The following AP1AR variants were observed in gnomAD, a reference collection of about 807,000 sequenced individuals.
AP1AR encodes the protein adaptor related protein complex 1 associated regulatory protein.
In AP1AR, 29 loss-of-function variants were observed where a neutral mutation model predicts 46.3. That is an observed-to-expected ratio of 0.63 (90% CI 0.47 to 0.85). The LOEUF (loss-of-function observed/expected upper bound fraction) is 0.85. AP1AR is among the 40% of genes least tolerant of loss of function. The pLI, the probability that AP1AR is intolerant of heterozygous loss-of-function variation, is 0.00. For synonymous variants in AP1AR, 122 were observed against 122.9 expected (o/e 0.99, Z 0.05); for missense variants, 357 against 356.3 (o/e 1.00, Z -0.02).
At chr4:112,251,729 G>C (rs938358654) in intron 1 of AP1AR, among the ~76,000 whole-genome samples, 3 of 152,178 alleles carry the variant, frequency 2.0e-5, no homozygotes, top group African/African-American at 7.2e-5. Flanking sequence ...AAAGGAGAGA[G>C]AAGAGTGGAG....
chr4:112,243,639 G>A (rs1159365623), intron 1 of AP1AR, among the ~76,000 whole-genome samples: 1 of 152,152 alleles, frequency 6.6e-6, no homozygotes, highest in Non-Finnish European at 1.5e-5. Flanking sequence ...TTCCTGTGCA[G>A]TATTGTATTA....
At position 112,271,924 on chromosome 4, in the gene AP1AR, G is replaced by T. The variant is rs116145606; in HGVS notation, c.*3515G>T. Among the ~76,000 whole-genome samples the T allele has an allele frequency of 2.4e-3, 359 of 152,290 alleles. 2 individuals carry two copies. Among genetic ancestry groups the T allele is most frequent in the African/African-American group, 8.3e-3 (344 of 41,550 alleles). On this transcript the variant is annotated 3_prime_UTR_variant, in exon 10 of 10. Coordinates refer to ENST00000274000, the MANE Select transcript of AP1AR (RefSeq NM_018569.6). The stretch of plus-strand genomic sequence containing the variant: ...TAAGTGTTGACATTTAGAAGTTGGG[G>T]GTAGTGAAACAGTCGTCAAAAGAAA...
chr4:112,265,356 T>A (rs1726656145), intron 7 of AP1AR: 3 of 363,424 alleles, frequency 8.3e-6, no homozygotes, highest in Non-Finnish European at 1.5e-5. Flanking sequence ...CCCAGTTGTT[T>A]GTGTTTTCCT....
At position 112,268,740 on chromosome 4, in the gene AP1AR, AT is replaced by A. The variant is rs374076320; in HGVS notation, c.*334del. On this transcript the variant is annotated 3_prime_UTR_variant, in exon 10 of 10. Coordinates refer to ENST00000274000, the MANE Select transcript of AP1AR (RefSeq NM_018569.6). ...TTTAAAATTAATTTTACTTTGAATG[AT>A]TTATGAAGCCTATTTCATTGTCTAA... 3.7e-4 allele frequency: 66 copies of A among 180,262 alleles called. No homozygotes were observed. Among genetic ancestry groups the A allele is most frequent in the African/African-American group, 1.5e-3 (65 of 42,726 alleles). The allele number at this position is 180,262 out of a possible 1,614,324, so 11.2% of individuals were successfully genotyped here.
At chr4:112,256,316 A>C (rs1246525704) in intron 3 of AP1AR, among the ~76,000 whole-genome samples, 1 of 152,198 alleles carries the variant, frequency 6.6e-6, no homozygotes, top group Non-Finnish European at 1.5e-5. Context: ...TTCCCTTCGC[A>C]GAGGTCACTT....
chr4:112,243,801 G>T (rs1225984320), intron 1 of AP1AR, among the ~76,000 whole-genome samples: 30 of 152,012 alleles, frequency 2.0e-4, no homozygotes, highest in Admixed American at 2.0e-3. Flanking sequence ...TTCTTTAGGT[G>T]GATATACCTA....
At chr4:112,256,352 A>C (rs373308960) in intron 3 of AP1AR, among the ~76,000 whole-genome samples, 7 of 152,208 alleles carry the variant, frequency 4.6e-5, no homozygotes, top group African/African-American at 1.7e-4. Flanking sequence ...TCTCTTAAAA[A>C]GTTTAAGCAA....
chr4:112,249,640 G>A (rs1725868786), intron 1 of AP1AR, among the ~76,000 whole-genome samples: 1 of 152,048 alleles, frequency 6.6e-6, no homozygotes, highest in Non-Finnish European at 1.5e-5. Flanking sequence ...CTGGGTAAGA[G>A]TGAGACTGTC....
chr4:112,265,606 C>T, intron 7 of AP1AR, 128 bp from the exon 8 acceptor site: 1 of 607,522 alleles, frequency 1.6e-6, no homozygotes, highest in Non-Finnish European at 2.8e-6. Context: ...TTAGGTTATT[C>T]TAATTGTACA....
intron 2 of AP1AR, 52 bp downstream of exon 2, chr4:112,253,308 G>C: frequency 7.2e-7 from 1 of 1,390,418 alleles, no homozygotes; most frequent in Non-Finnish European, 1.0e-6. Flanking sequence ...AAAGGCGGAA[G>C]GGGCTTTTTG....
intron 4 of AP1AR, among the ~76,000 whole-genome samples, chr4:112,258,407 T>C (rs1420478100): frequency 1.3e-5 from 2 of 152,196 alleles, no homozygotes; most frequent in Non-Finnish European, 2.9e-5. Context: ...AAATCAGACA[T>C]AGTCTCTCCA....
Position 112,260,758 on chromosome 4 carries a change from T to C in AP1AR, c.186-8T>C. 1 of 1,553,318 alleles carries C rather than the reference T, an allele frequency of 6.4e-7. No homozygotes were observed. ...TTTTCTTTTTCTCCTCCTCCTTTTT[T>C]TCTCTAGGCCTCTTACTGAGGAAGA... On this transcript the variant is annotated splice_polypyrimidine_tract_variant and splice_region_variant and intron_variant, in intron 4 of 9. Transcript: ENST00000274000.
intron 4 of AP1AR, 33 bp downstream of exon 4, chr4:112,257,830 T>G (rs767464657): frequency 1.3e-6 from 2 of 1,520,082 alleles, no homozygotes; most frequent in South Asian, 2.6e-5. Context: ...AAACAAAACT[T>G]CTATGCAAAC....
At chr4:112,232,715 A>G (rs956981868) in intron 1 of AP1AR, among the ~76,000 whole-genome samples, 6 of 152,270 alleles carry the variant, frequency 3.9e-5, no homozygotes, top group Non-Finnish European at 8.8e-5. Flanking sequence ...GCTGAATTGC[A>G]GAGTTCCCAA....
intron 1 of AP1AR, among the ~76,000 whole-genome samples, chr4:112,245,964 A>G (rs868335877): frequency 2.6e-5 from 4 of 152,070 alleles, no homozygotes; most frequent in South Asian, 4.2e-4. Flanking sequence ...CTAAGACTCA[A>G]TTTTCACCTA....
chr4:112,251,734 G>GT (rs752916305), intron 1 of AP1AR, among the ~76,000 whole-genome samples: 8 of 152,180 alleles, frequency 5.3e-5, no homozygotes. Context: ...AGAGAGAAGA[G>GT]TGGAGGCACT....
Position 112,254,761 on chromosome 4 carries a change from A to G in AP1AR, c.147A>G (p.Val49=). The change falls in exon 3 of 10, where the codon GTA becomes GTG. Residue 49 remains valine, a synonymous_variant. Coordinates refer to ENST00000274000, the MANE Select transcript of AP1AR (RefSeq NM_018569.6). Reference sequence around the variant, plus strand: ...TGTCCTTTCAGTTTGAGAATCTAGTAGAAAGTGATGAAGTAAGTATTTCCA... The same window carrying G: ...TGTCCTTTCAGTTTGAGAATCTAGTGGAAAGTGATGAAGTAAGTATTTCCA... The part of the protein sequence containing the change: ...EHLTIEFENL[V]ESDEGESPGS... 6.6e-7 allele frequency: 1 copy of G among 1,504,700 alleles called. No homozygotes were observed. 93.2% of individuals were successfully genotyped at this position (1,504,700 alleles called of 1,614,324 possible). A position where few individuals can be genotyped will look rare whatever the true frequency, so the allele number is the denominator to read the frequency against.
intron 5 of AP1AR, 145 bp from the exon 6 acceptor site, chr4:112,262,843 A>G (rs1726512194): frequency 1.6e-6 from 1 of 625,524 alleles, no homozygotes; most frequent in African/African-American, 1.9e-5. Context: ...AAACAATTGC[A>G]AACATTTCAA....
chr4:112,268,078 T>G (rs1336305900), intron 9 of AP1AR, 66 bp from the exon 10 acceptor site: 1 of 1,425,298 alleles, frequency 7.0e-7, no homozygotes, highest in African/African-American at 1.4e-5. Flanking sequence ...TTGCTAAATT[T>G]GGGAGTTTTT....
Sources: gnomAD v4.1 joint callset for allele counts (sites outside exome capture counted in the v4.1 genomes callset) on GRCh38, gnomAD v4.1.1 for gene constraint, MANE v1.5 for transcripts, NCBI Gene and HGNC (gene_info 2026-07-23, HGNC 2026-07-21) for gene names.